The following RELB variants were observed in gnomAD, a reference collection of about 807,000 sequenced individuals.
RELB encodes RELB proto-oncogene, NF-kB subunit, also known as transcription factor RelB.
Under a neutral mutation model 55.4 loss-of-function variants are expected in RELB, and 14 were observed. The observed-to-expected ratio is 0.25, with a 90% CI of 0.17 to 0.40. RELB has a LOEUF of 0.40. RELB is among the 10% of genes least tolerant of loss of function. RELB has a pLI of 1.00. For synonymous variants in RELB, 409 were observed against 371.3 expected (o/e 1.10, Z -1.17); for missense variants, 669 against 830.7 (o/e 0.81, Z 2.39).
chr19:45,016,173 C>CG (rs1239714535), intron 4 of RELB, among the ~76,000 whole-genome samples: 1 of 151,684 alleles, frequency 6.6e-6, no homozygotes, highest in Non-Finnish European at 1.5e-5. Flanking sequence ...TTAGTAGAGA[C>CG]GGGGTTTCAC....
chr19:45,001,762 T>C, intron 1 of RELB, 77 bp downstream of exon 1: 1 of 947,974 alleles, frequency 1.1e-6, no homozygotes, highest in Non-Finnish European at 1.5e-6. Flanking sequence ...CCCGGAGTAG[T>C]CTGGGGGTTC....
chr19:45,025,375 G>T lies in RELB; in HGVS notation c.709G>T (p.Ala237Ser), dbSNP rs780892843. The T allele has an allele frequency of 1.2e-6, 2 of 1,612,978 alleles. No individual in the cohort carries two copies. Among genetic ancestry groups the T allele is most frequent in the South Asian group, 2.2e-5 (2 of 90,828 alleles). ...GTGTGTGAGGAAGAAGGAGATTGAG[G>T]CTGCCATTGAGCGGAAGATTCAACT... is the stretch of plus-strand genomic sequence containing the variant. ...IQCVRKKEIE[A>S]AIERKIQLGI... Residue 237 changes from alanine (A) to serine (S), a missense_variant, in exon 6 of 12, where the codon GCT becomes TCT. Coordinates refer to ENST00000221452, the MANE Select transcript of RELB (RefSeq NM_006509.4).
At chr19:45,033,691 C>T (rs1021961773) in intron 9 of RELB, among the ~76,000 whole-genome samples, 27 of 149,608 alleles carry the variant, frequency 1.8e-4, no homozygotes, top group Admixed American at 6.7e-4. Flanking sequence ...TACAGGCACC[C>T]GCCACCATGC....
chr19:45,027,448 C>T (rs899339019), intron 7 of RELB, among the ~76,000 whole-genome samples: 1 of 152,058 alleles, frequency 6.6e-6, no homozygotes, highest in African/African-American at 2.4e-5. Flanking sequence ...TATATCCTAC[C>T]TGCCTGGCAC....
intron 2 of RELB, among the ~76,000 whole-genome samples, chr19:45,007,700 G>A (rs965562636): frequency 4.0e-5 from 6 of 151,622 alleles, no homozygotes; most frequent in African/African-American, 1.5e-4. Flanking sequence ...TCTACTAAAA[G>A]TACAAAAATT....
chr19:45,022,134 C>A lies in RELB; in HGVS notation c.586C>A (p.His196Asn). 2 of 1,613,394 alleles carry A rather than the reference C, an allele frequency of 1.2e-6. No individual in the cohort carries two copies. The highest frequency in any genetic ancestry group is 1.7e-6 in the Non-Finnish European group (2 of 1,179,746). The part of the protein sequence containing the change: ...WKDWPHRVHP[H>N]SLVGKDCTDG... ...GGACTGGCCTCACCGAGTCCACCCC[C>A]ACAGCCTCGTGGGGAAAGACTGCAC... Residue 196 changes from histidine (H) to asparagine (N), a missense_variant, in exon 5 of 12, where the codon CAC (histidine) becomes AAC (asparagine). Coordinates refer to ENST00000221452, the MANE Select transcript of RELB (RefSeq NM_006509.4).
intron 4 of RELB, 88 bp from the exon 5 acceptor site, chr19:45,021,965 T>G: frequency 1.5e-6 from 2 of 1,326,166 alleles, no homozygotes; most frequent in Non-Finnish European, 2.1e-6. Flanking sequence ...GGGAGAGGAT[T>G]GGGGAGCTGC....
At chr19:45,029,873 A>G (rs1159519382) in intron 8 of RELB, among the ~76,000 whole-genome samples, 1 of 151,932 alleles carries the variant, frequency 6.6e-6, no homozygotes, top group Non-Finnish European at 1.5e-5. Context: ...AAAGAAAGAA[A>G]AGAAAAAGAC....
chr19:45,024,192 C>T (rs891603420), intron 5 of RELB, among the ~76,000 whole-genome samples: 1 of 151,248 alleles, frequency 6.6e-6, no homozygotes, highest in Non-Finnish European at 1.5e-5. Flanking sequence ...GACGGAGTCT[C>T]GCTTTGTCGC....
At chr19:45,006,622 T>C (rs1163373585) in intron 2 of RELB, among the ~76,000 whole-genome samples, 1 of 151,734 alleles carries the variant, frequency 6.6e-6, no homozygotes, top group Non-Finnish European at 1.5e-5. Flanking sequence ...CAGGTATGAG[T>C]CAGTGTAATG....
chr19:45,017,407 C>T (rs1291114074), intron 4 of RELB, among the ~76,000 whole-genome samples: 3 of 134,236 alleles, frequency 2.2e-5, no homozygotes, highest in East Asian at 2.3e-4. Flanking sequence ...AGGCTGGGAT[C>T]GCACCACTGC....
chr19:45,035,441 C>T (rs1248856395), intron 11 of RELB, among the ~76,000 whole-genome samples: 1 of 151,962 alleles, frequency 6.6e-6, no homozygotes, highest in Admixed American at 6.6e-5. Context: ...TCACTTGAAC[C>T]CAGGAGGTGA....
At chr19:45,023,455 TCAGA>T (rs1191315023) in intron 5 of RELB, among the ~76,000 whole-genome samples, 11 of 151,870 alleles carry the variant, frequency 7.2e-5, no homozygotes, top group Non-Finnish European at 1.0e-4. Flanking sequence ...TTTCTTTCTT[TCAGA>T]CAGAGTCTCG....
At chr19:45,002,595 C>T (rs950840205) in intron 1 of RELB, among the ~76,000 whole-genome samples, 3 of 152,142 alleles carry the variant, frequency 2.0e-5, no homozygotes, top group Non-Finnish European at 2.9e-5. Context: ...TCAGGTGATC[C>T]GCACGCCTCG....
intron 4 of RELB, among the ~76,000 whole-genome samples, chr19:45,015,565 G>A (rs192126155): frequency 6.6e-6 from 1 of 151,734 alleles, no homozygotes; most frequent in African/African-American, 2.4e-5. Flanking sequence ...CAAGATGCCC[G>A]TCTCTATAAA....
chr19:45,006,056 C>T (rs1971278275), intron 2 of RELB, among the ~76,000 whole-genome samples: 1 of 152,166 alleles, frequency 6.6e-6, no homozygotes, highest in Non-Finnish European at 1.5e-5. Flanking sequence ...CCCTGGGGTT[C>T]CCTACCTAGA....
intron 3 of RELB, among the ~76,000 whole-genome samples, chr19:45,011,319 T>A (rs1469808965): frequency 6.6e-6 from 1 of 151,474 alleles, no homozygotes; most frequent in Non-Finnish European, 1.5e-5. Context: ...CGTGCCACCA[T>A]GCCTGGCTAA....
chr19:45,020,301 G>T (rs926454816), intron 4 of RELB, among the ~76,000 whole-genome samples: 1 of 150,118 alleles, frequency 6.7e-6, no homozygotes, highest in African/African-American at 2.5e-5. Context: ...TGGGCTCATT[G>T]CAACTTCCAC....
chr19:45,014,768 C>T (rs1479125976), intron 4 of RELB, among the ~76,000 whole-genome samples: 1 of 151,978 alleles, frequency 6.6e-6, no homozygotes, highest in Admixed American at 6.6e-5. Flanking sequence ...ATCTGTCTGC[C>T]TCAGCCTCCC....
Sources: allele counts gnomAD v4.1 joint callset (sites outside exome capture counted in the v4.1 genomes callset), GRCh38; gene constraint gnomAD v4.1.1; transcripts MANE v1.5; gene names NCBI Gene and HGNC (gene_info 2026-07-23, HGNC 2026-07-21).